NSUN2: variants seen among roughly 807,000 people sequenced by gnomAD.
NSUN2 encodes NOP2/Sun RNA methyltransferase 2.
In NSUN2, 63 loss-of-function variants were observed where a neutral mutation model predicts 92.7. The ratio of observed to expected loss-of-function variants is 0.68; its 90% confidence interval spans 0.56 to 0.84. The LOEUF is 0.84. NSUN2 is among the 40% of genes least tolerant of loss of function. The pLI, the probability that NSUN2 is intolerant of heterozygous loss-of-function variation, is 0.00. For missense variants in NSUN2, 989 were observed against 964.9 expected, an observed-to-expected ratio of 1.02 and a Z score of -0.33; for synonymous variants, 356 against 348.3, an observed-to-expected ratio of 1.02 and a Z score of -0.25.
chr5:6,609,492 G>C (rs1052443984), intron 12 of NSUN2, among the ~76,000 whole-genome samples: 1 of 152,230 alleles, frequency 6.6e-6, no homozygotes, highest in Non-Finnish European at 1.5e-5. Flanking sequence ...CCACTCACAA[G>C]GAACTAGAGC....
At chr5:6,616,455 G>T (rs551776057) in intron 9 of NSUN2, among the ~76,000 whole-genome samples, 77 of 152,252 alleles carry the variant, frequency 5.1e-4, no homozygotes, top group Middle Eastern at 3.4e-3. Context: ...AGTAGTCAAA[G>T]TCATACAGAC....
At chr5:6,632,004 C>G (rs370635515) in intron 2 of NSUN2, 27 bp from the exon 3 acceptor site, 74 of 1,550,680 alleles carry the variant, frequency 4.8e-5, no homozygotes, top group Admixed American at 3.5e-5. Flanking sequence ...AAGTTTCAAA[C>G]TGATCTAAAA....
At chr5:6,611,879 G>T in intron 9 of NSUN2, 81 bp from the exon 10 acceptor site, 2 of 1,162,740 alleles carry the variant, frequency 1.7e-6, no homozygotes, top group South Asian at 1.3e-5. Context: ...ACCAGACACA[G>T]ATCACATATT....
At chr5:6,623,396 T>C (rs1737539615) in intron 4 of NSUN2, 111 bp from the exon 5 acceptor site, 2 of 862,680 alleles carry the variant, frequency 2.3e-6, no homozygotes, top group Non-Finnish European at 1.8e-6. Flanking sequence ...CATAATCTTA[T>C]ACAGAATGAG....
At chr5:6,607,075 G>A in intron 13 of NSUN2, 125 bp downstream of exon 13, 2 of 1,055,160 alleles carry the variant, frequency 1.9e-6, no homozygotes, top group East Asian at 4.7e-5. Flanking sequence ...CACACTGCAT[G>A]TGCCTGATAC....
Position 6,623,299 on chromosome 5 carries a change from A to T in NSUN2, c.466-14T>A, listed in dbSNP as rs1223674498. ...ACTAATATTTCCCTTGAGGAAAAAA[A>T]AAAAATCAGCAACAATTAGGAAAAA... On this transcript the variant is annotated splice_polypyrimidine_tract_variant and intron_variant, in intron 4 of 18. Transcript: ENST00000264670. 1 of 1,562,728 alleles carries T rather than the reference A, an allele frequency of 6.4e-7. No homozygotes were observed. Among genetic ancestry groups the T allele is most frequent in the Non-Finnish European group, 8.6e-7 (1 of 1,168,304 alleles).
At chr5:6,626,001 A>C (rs1421811737) in intron 3 of NSUN2, among the ~76,000 whole-genome samples, 8 of 152,262 alleles carry the variant, frequency 5.3e-5, no homozygotes, top group Non-Finnish European at 1.0e-4. Context: ...ATAAGGTAAC[A>C]ATGGTAAGGT....
chr5:6,609,971 T>C (rs776865644), intron 11 of NSUN2, 49 bp from the exon 12 acceptor site: 2 of 1,263,628 alleles, frequency 1.6e-6, no homozygotes, highest in Non-Finnish European at 2.2e-6. Flanking sequence ...AAAAATGCAT[T>C]CTTTTACTAT....
intron 4 of NSUN2, 105 bp from the exon 5 acceptor site, chr5:6,623,390 A>G (rs955894398): frequency 1.9e-5 from 17 of 906,178 alleles, no homozygotes; most frequent in Admixed American, 1.7e-4. Flanking sequence ...ACAGCACATA[A>G]TCTTATACAG....
chr5:6,600,000 G>C lies in NSUN2; in HGVS notation c.2230C>G (p.Pro744Ala), dbSNP rs767395121. The change falls in exon 19 of 19, where the codon CCA (proline) becomes GCA (alanine). Residue 744 changes from proline (P) to alanine (A), a missense_variant. This residue lies in a region of NSUN2 where 626 missense variants were observed against 602.3 expected (regional missense o/e 1.04). Coordinates refer to ENST00000264670, the MANE Select transcript of NSUN2 (RefSeq NM_017755.6). ...GGACTGTTGGCCTCTTCTGCATCTG[G>C]GCTGTTGGGCTCTCCTGCTCTCTGT... ...EGQRAGEPNS[P>A]DAEEANSPDV... 6 of 1,614,214 alleles carry C rather than the reference G, an allele frequency of 3.7e-6. 1 individual carries two copies. The South Asian group carries it at 5.5e-5, about 15-fold the overall frequency.
At chr5:6,632,802 CCCTCGCCGCCG>C (rs1235953569) in intron 1 of NSUN2, 46 bp from the exon 2 acceptor site, 3 of 1,586,060 alleles carry the variant, frequency 1.9e-6, no homozygotes, top group East Asian at 2.3e-5. Flanking sequence ...AGGAGCCGCC[CCCTCGCCGCCG>C]CCTCGCAGGC....
rs554332775 is a variant in NSUN2 at position 6,611,046 on chromosome 5, C to T, written c.1135G>A (p.Ala379Thr). The T allele has an allele frequency of 1.1e-5, 17 of 1,614,044 alleles. No individual in the cohort carries two copies. Among genetic ancestry groups the T allele is most frequent in the African/African-American group, 2.7e-5 (2 of 74,910 alleles). The stretch of plus-strand genomic sequence containing the variant: ...TGGGTGTGTCTGCTGTGAGGAACAG[C>T]GTCCCAGTCTGTAAACCACTGCCCA... ...KDGQWFTDWD[A>T]VPHSRHTQIR... Residue 379 changes from alanine to threonine, a missense_variant, in exon 11 of 19, where the codon GCT (alanine) becomes ACT (threonine). Physicochemically the swap from Ala to Thr is moderately conservative, Grantham distance 58. Coordinates refer to ENST00000264670, the MANE Select transcript of NSUN2 (RefSeq NM_017755.6).
At chr5:6,629,028 G>A (rs1207394971) in intron 3 of NSUN2, among the ~76,000 whole-genome samples, 3 of 152,212 alleles carry the variant, frequency 2.0e-5, no homozygotes, top group Admixed American at 1.3e-4. Context: ...CTGGGTGACA[G>A]AGTGAGACCC....
chr5:6,605,245 C>T, intron 15 of NSUN2, 28 bp downstream of exon 15: 3 of 1,612,724 alleles, frequency 1.9e-6, no homozygotes, highest in Non-Finnish European at 2.5e-6. Context: ...CCGCATCACA[C>T]AGCACTCAGC....
rs779298195 is a variant in NSUN2, at chr5:6,611,781, C to G, written c.1039G>C (p.Asp347His). 1.2e-6 allele frequency: 2 copies of G among 1,614,186 alleles called. No homozygotes were observed. Among genetic ancestry groups the G allele is most frequent in the East Asian group, 2.2e-5 (1 of 44,880 alleles). The change falls in exon 10 of 19, where the codon GAT (aspartate) becomes CAT (histidine). Residue 347 changes from aspartate (D) to histidine (H), a missense_variant. Coordinates refer to ENST00000264670, the MANE Select transcript of NSUN2 (RefSeq NM_017755.6). ...EKSEGALELA[D>H]VSNELPGLKW... Reference sequence around the variant, plus strand: ...AGCCCTGGCAGTTCATTAGACACATCAGCAAGCTCCAAAGCACCTGTGCAG... The same window carrying G: ...AGCCCTGGCAGTTCATTAGACACATGAGCAAGCTCCAAAGCACCTGTGCAG...
At chr5:6,627,522 T>C (rs544867087) in intron 3 of NSUN2, among the ~76,000 whole-genome samples, 1 of 152,252 alleles carries the variant, frequency 6.6e-6, no homozygotes, top group Non-Finnish European at 1.5e-5. Flanking sequence ...TGAACAAATA[T>C]AGCCTTATAT....
At position 6,600,390 on chromosome 5, in the gene NSUN2, G is replaced by A. The variant is rs1308646513; in HGVS notation, c.1998-158C>T. 4.6e-5 allele frequency among the ~76,000 whole-genome samples: 7 copies of A among 152,284 alleles called. No individual in the cohort carries two copies. In the South Asian group the frequency reaches 6.2e-4, roughly 14 times the overall value. ...AGGACATTTCATCTGGATCCGAGGG[G>A]TAGGTTTTCTCAAAGGACTTCCTTC... On this transcript the variant is annotated intron_variant, in intron 18 of 18. Transcript: ENST00000264670.
chr5:6,621,549 C>A (rs1032624856), intron 6 of NSUN2: 1 of 152,476 alleles, frequency 6.6e-6, no homozygotes, highest in Non-Finnish European at 1.5e-5. Flanking sequence ...GAGATCGAGA[C>A]CATCCTGGCT....
intron 10 of NSUN2, 51 bp from the exon 11 acceptor site, chr5:6,611,136 C>G: frequency 6.2e-7 from 1 of 1,600,092 alleles, no homozygotes; most frequent in Non-Finnish European, 8.6e-7. Context: ...CCAATACCAA[C>G]AAAAATCACA....
Sources: gnomAD v4.1 joint callset for allele counts (sites outside exome capture counted in the v4.1 genomes callset) on GRCh38, gnomAD v4.1.1 for gene constraint, gnomAD v4.1.1 regional missense constraint, MANE v1.5 for transcripts, NCBI Gene and HGNC (gene_info 2026-07-23, HGNC 2026-07-21) for gene names.